ACOT1: variants seen among roughly 807,000 people sequenced by gnomAD.
ACOT1 encodes the protein acyl-CoA thioesterase 1.
Under a neutral mutation model 15.7 loss-of-function variants are expected in ACOT1, and 8 were observed. The ratio of observed to expected loss-of-function variants is 0.51; its 90% CI spans 0.30 to 0.92. ACOT1 has a LOEUF of 0.92. ACOT1 is among the 40% of genes least tolerant of loss of function. The pLI is 0.06. For synonymous variants in ACOT1, 67 were observed against 241.2 expected (o/e 0.28, Z 6.69); for missense variants, 151 against 539.4 (o/e 0.28, Z 7.13).
At chr14:73,506,456 AAG>A in the ACOT1 span, 2 of 1,607,106 alleles carry the variant, frequency 1.2e-6, no homozygotes, top group Non-Finnish European at 8.5e-7. Context: ...GAGGCAAAGA[AAG>A]AGGTTTACCA....
chr14:73,526,709 C>T, the ACOT1 span, among the ~76,000 whole-genome samples: 1 of 152,210 alleles, frequency 6.6e-6, no homozygotes. Context: ...ATCCACTGCT[C>T]TGATGGGTCA....
intron 1 of ACOT1, among the ~76,000 whole-genome samples, chr14:73,541,185 G>A (rs1419201507): frequency 5.3e-5 from 6 of 112,402 alleles, no homozygotes; most frequent in African/African-American, 1.8e-4. Flanking sequence ...GTGCACTGGA[G>A]AGGAATTTGT....
the ACOT1 span, chr14:73,490,946 G>A: frequency 7.8e-7 from 1 of 1,281,034 alleles, no homozygotes; most frequent in Non-Finnish European, 9.9e-7. Flanking sequence ...GTGCACCGCA[G>A]CCGCTGCATT....
At chr14:73,491,658 C>G in the ACOT1 span, 1 of 1,549,836 alleles carries the variant, frequency 6.5e-7, no homozygotes. Flanking sequence ...GCGCCCATGC[C>G]GCCAGATCAC....
the ACOT1 span, chr14:73,509,606 AGTT>A: frequency 2.4e-6 from 2 of 827,954 alleles, no homozygotes; most frequent in Non-Finnish European, 1.9e-6. Flanking sequence ...ATATAATTAC[AGTT>A]TAGCTGAGCC....
the ACOT1 span, chr14:73,530,027 A>G: frequency 7.2e-6 from 1 of 139,062 alleles, no homozygotes; most frequent in Non-Finnish European, 1.6e-5. Flanking sequence ...GCGGTGGCAC[A>G]GTCATGGCTC....
At chr14:73,491,699 G>T in the ACOT1 span, 1 of 1,550,224 alleles carries the variant, frequency 6.5e-7, no homozygotes, top group Non-Finnish European at 8.7e-7. Flanking sequence ...GCGCGAGGCG[G>T]TGCTGGTGCG....
chr14:73,493,211 C>G, the ACOT1 span: 2 of 1,076,804 alleles, frequency 1.9e-6, no homozygotes, highest in South Asian at 2.6e-5. Flanking sequence ...TCATCACCTT[C>G]AGGCTTCAGT....
chr14:73,513,728 CAAAAAAAAAA>C, the ACOT1 span, among the ~76,000 whole-genome samples: 4 of 46,776 alleles, frequency 8.6e-5, no homozygotes, highest in Admixed American at 3.9e-4. Context: ...ACTACGTCTC[CAAAAAAAAAA>C]AAAAAAAAAA....
chr14:73,518,502 G>T, the ACOT1 span, among the ~76,000 whole-genome samples: 146 of 152,224 alleles, frequency 9.6e-4, no homozygotes, highest in African/African-American at 3.4e-3. Context: ...AAGAGTCATG[G>T]GAAATAGAGT....
At chr14:73,505,818 CG>C in the ACOT1 span, among the ~76,000 whole-genome samples, 1 of 149,034 alleles carries the variant, frequency 6.7e-6, no homozygotes, top group Non-Finnish European at 1.5e-5. Flanking sequence ...CCAATTTTGG[CG>C]GGGGGGAAAT....
At position 73,540,031 on chromosome 14, in the gene ACOT1, G is replaced by T. The variant is rs542704013; in HGVS notation, c.458-1462G>T. On this transcript the variant is annotated intron_variant, in intron 1 of 2. Coordinates refer to ENST00000311148, the MANE Select transcript of ACOT1 (RefSeq NM_001037161.2). ...ATGCTTATCCTTATTAATAATCAAA[G>T]AAATGCAAAATAAAACAACAGAGTA... Among the ~76,000 whole-genome samples the T allele has an allele frequency of 7.5e-4, 88 of 117,906 alleles. 4 individuals carry two copies. The highest frequency in any genetic ancestry group is 2.2e-3 in the African/African-American group (79 of 36,308). The allele number at this position is 117,906 out of a possible 152,430, so 77.4% of individuals were successfully genotyped here.
At chr14:73,514,348 A>G in the ACOT1 span, 1 of 862,340 alleles carries the variant, frequency 1.2e-6, no homozygotes. Flanking sequence ...GCAAAACAAA[A>G]CCCTCAAGAG....
At chr14:73,493,265 T>G in the ACOT1 span, 1 of 660,636 alleles carries the variant, frequency 1.5e-6, no homozygotes, top group Non-Finnish European at 2.6e-6. Flanking sequence ...GAGACAGATA[T>G]TAGATTTTTT....
At chr14:73,514,264 C>A in the ACOT1 span, 33 of 1,600,318 alleles carry the variant, frequency 2.1e-5, no homozygotes, top group Middle Eastern at 5.3e-4. Flanking sequence ...GAGGTCTTTT[C>A]ACCCCACTGC....
chr14:73,519,573 C>T, the ACOT1 span, among the ~76,000 whole-genome samples: 3 of 151,804 alleles, frequency 2.0e-5, no homozygotes, highest in Admixed American at 6.6e-5. Context: ...GTAAGACCCC[C>T]GTCTCTACAA....
At chr14:73,504,755 G>A in the ACOT1 span, among the ~76,000 whole-genome samples, 2 of 152,184 alleles carry the variant, frequency 1.3e-5, no homozygotes, top group Non-Finnish European at 2.9e-5. Context: ...GAATGGCAAT[G>A]TTCTGGGCTA....
chr14:73,522,207 C>G, the ACOT1 span: 3 of 1,519,408 alleles, frequency 2.0e-6, no homozygotes, highest in Non-Finnish European at 2.7e-6. Flanking sequence ...TGTGAGTCCA[C>G]CTGGGAGTCC....
the ACOT1 span, among the ~76,000 whole-genome samples, chr14:73,524,549 C>T: frequency 5.3e-5 from 8 of 150,802 alleles, no homozygotes; most frequent in Non-Finnish European, 7.4e-5. Context: ...GAGGATTTTA[C>T]GTAGGGAAGA....
Sources: gnomAD v4.1 joint callset for allele counts (sites outside exome capture counted in the v4.1 genomes callset) on GRCh38, gnomAD v4.1.1 for gene constraint, MANE v1.5 for transcripts, NCBI Gene and HGNC (gene_info 2026-07-23, HGNC 2026-07-21) for gene names.